LNPK: variants seen among roughly 807,000 people sequenced by gnomAD.
The protein encoded by LNPK is endoplasmic reticulum junction formation protein lunapark.
Under a neutral mutation model 55.2 loss-of-function variants are expected in LNPK, and 29 were observed. That is an observed-to-expected ratio of 0.53 (90% confidence interval 0.39 to 0.72). The LOEUF (loss-of-function observed/expected upper bound fraction) is 0.72. Ranked by LOEUF, LNPK falls within the 30% of genes least tolerant of loss-of-function variation. LNPK has a pLI of 0.00. For synonymous variants in LNPK, 162 were observed against 168.2 expected (o/e 0.96, Z 0.29); for missense variants, 467 against 494.8 (o/e 0.94, Z 0.53).
intron 8 of LNPK, among the ~76,000 whole-genome samples, chr2:175,963,870 TTAA>T (rs1686197656): frequency 6.6e-6 from 1 of 152,004 alleles, no homozygotes; most frequent in Non-Finnish European, 1.5e-5. Context: ...AATGACTTCA[TTAA>T]TAATATGGTA....
intron 1 of LNPK, among the ~76,000 whole-genome samples, chr2:176,000,629 C>CCTTGCT (rs959053610): frequency 1.3e-5 from 2 of 152,150 alleles, no homozygotes; most frequent in Non-Finnish European, 2.9e-5. Context: ...CCTTGTAGGT[C>CCTTGCT]TTTGAAGGAA....
chr2:175,951,486 G>A (rs819039), intron 8 of LNPK, among the ~76,000 whole-genome samples: 38,531 of 150,142 alleles, frequency 0.26, 5,677 homozygotes, highest in South Asian at 0.42. Context: ...TTCCATTCCT[G>A]AGTTACTTCA....
intron 1 of LNPK, among the ~76,000 whole-genome samples, chr2:176,000,261 T>C (rs1282134342): frequency 6.6e-6 from 1 of 152,232 alleles, no homozygotes; most frequent in African/African-American, 2.4e-5. Flanking sequence ...AACCACATAC[T>C]AGCTATGCAA....
chr2:175,979,991 A>T (rs1298699240), intron 4 of LNPK, 123 bp from the exon 5 acceptor site: 1 of 874,796 alleles, frequency 1.1e-6, no homozygotes, highest in African/African-American at 1.7e-5. Context: ...TTATATACAG[A>T]AAACTAAAAA....
rs145929230 is a variant in LNPK, at chr2:175,989,644, G to A, written c.257+2587C>T. On this transcript the variant is annotated intron_variant, in intron 4 of 12. Coordinates refer to ENST00000272748, the MANE Select transcript of LNPK (RefSeq NM_030650.3). Reference sequence around the variant, plus strand: ...CAGAAATACAAAATTGTAACTTTACGTAACCCAAACCTTCCCTCACTACGG... The same window carrying A: ...CAGAAATACAAAATTGTAACTTTACATAACCCAAACCTTCCCTCACTACGG... Among the ~76,000 whole-genome samples the A allele has an allele frequency of 2.6e-5, 4 of 152,178 alleles. No individual in the cohort carries two copies. The East Asian group carries it at 5.8e-4, about 22-fold the overall frequency.
chr2:175,985,996 T>C (rs928341976), intron 4 of LNPK, among the ~76,000 whole-genome samples: 2 of 152,196 alleles, frequency 1.3e-5, no homozygotes, highest in Non-Finnish European at 2.9e-5. Flanking sequence ...TGTTAATCTA[T>C]AATTTTTTCA....
chr2:175,952,286 G>A (rs1347128869), intron 8 of LNPK, among the ~76,000 whole-genome samples: 1 of 151,824 alleles, frequency 6.6e-6, no homozygotes, highest in African/African-American at 2.4e-5. Context: ...GAATCTTTAA[G>A]CCTATTCACA....
intron 8 of LNPK, among the ~76,000 whole-genome samples, chr2:175,959,263 T>C (rs1212954582): frequency 1.3e-5 from 2 of 152,036 alleles, no homozygotes; most frequent in Non-Finnish European, 2.9e-5. Context: ...GACACGTAAT[T>C]GTCAGATTCA....
At chr2:176,001,377 A>T (rs776609216) in intron 1 of LNPK, among the ~76,000 whole-genome samples, 3 of 152,188 alleles carry the variant, frequency 2.0e-5, no homozygotes, top group Non-Finnish European at 2.9e-5. Context: ...CAGAACACGG[A>T]AAACTCAGTG....
At chr2:175,984,491 T>C (rs1687320240) in intron 4 of LNPK, among the ~76,000 whole-genome samples, 2 of 152,022 alleles carry the variant, frequency 1.3e-5, no homozygotes, top group South Asian at 4.2e-4. Context: ...TTATCTATAA[T>C]ATATGAAGAA....
intron 4 of LNPK, among the ~76,000 whole-genome samples, chr2:175,981,998 A>C (rs1007631704): frequency 1.3e-5 from 2 of 152,186 alleles, no homozygotes; most frequent in Non-Finnish European, 2.9e-5. Context: ...GAAAACACCA[A>C]ATAACTAGCA....
intron 1 of LNPK, among the ~76,000 whole-genome samples, chr2:176,000,375 A>G (rs1045880749): frequency 2.0e-5 from 3 of 152,222 alleles, no homozygotes; most frequent in African/African-American, 7.2e-5. Flanking sequence ...AAATGAAATT[A>G]TGTATCATTT....
intron 6 of LNPK, among the ~76,000 whole-genome samples, chr2:175,969,721 G>A (rs146290446): frequency 9.9e-5 from 15 of 152,206 alleles, no homozygotes; most frequent in African/African-American, 2.9e-4. Context: ...GTTCCATAAT[G>A]TGCAGAATAG....
intron 4 of LNPK, among the ~76,000 whole-genome samples, chr2:175,989,746 A>G (rs1231776887): frequency 6.6e-6 from 1 of 152,304 alleles, no homozygotes; most frequent in Non-Finnish European, 1.5e-5. Context: ...AGTTGAAAAG[A>G]TCAAGGGAGG....
At chr2:175,987,233 T>C (rs184973257) in intron 4 of LNPK, among the ~76,000 whole-genome samples, 6 of 152,352 alleles carry the variant, frequency 3.9e-5, no homozygotes, top group African/African-American at 9.6e-5. Flanking sequence ...CGTATGTTTA[T>C]TGTGGCACTA....
chr2:175,999,645 C>A (rs185225121), intron 1 of LNPK, among the ~76,000 whole-genome samples: 1 of 152,316 alleles, frequency 6.6e-6, no homozygotes, highest in Non-Finnish European at 1.5e-5. Flanking sequence ...GACGGTTCAA[C>A]CTCAAGTGAC....
intron 1 of LNPK, among the ~76,000 whole-genome samples, chr2:175,996,043 C>T (rs1194434689): frequency 6.6e-6 from 1 of 151,810 alleles, no homozygotes; most frequent in Non-Finnish European, 1.5e-5. Context: ...GAACTCCTGG[C>T]CTCAAGTGAT....
chr2:175,996,283 C>T (rs534408266), intron 1 of LNPK, among the ~76,000 whole-genome samples: 1 of 152,244 alleles, frequency 6.6e-6, no homozygotes, highest in South Asian at 2.1e-4. Context: ...CAAAGTTTTA[C>T]CATACTACTT....
Position 175,951,762 on chromosome 2 carries a change from T to C in LNPK, c.494-4070A>G, listed in dbSNP as rs530388142. Among the ~76,000 whole-genome samples, 3 of 151,898 alleles carry C rather than the reference T, an allele frequency of 2.0e-5. No homozygotes were observed. In the South Asian group the frequency reaches 6.2e-4, roughly 32 times the overall value. ...CTGGGTAGAAACCCCATAGTGGGAT[T>C]GCTGGATCAAATGGTAGTTCTACTT... On this transcript the variant is annotated intron_variant, in intron 8 of 12. Transcript: ENST00000272748.
Sources: allele counts gnomAD v4.1 joint callset (sites outside exome capture counted in the v4.1 genomes callset), GRCh38; gene constraint gnomAD v4.1.1; transcripts MANE v1.5; gene names NCBI Gene and HGNC (gene_info 2026-07-23, HGNC 2026-07-21).